TNR: variants seen among roughly 807,000 people sequenced by gnomAD.
TNR encodes the protein tenascin R.
TNR carries 45 observed loss-of-function variants against 150.4 expected under a neutral mutation model. The observed-to-expected ratio is 0.30, with a 90% CI of 0.24 to 0.38. TNR has a LOEUF of 0.38. Among genes scored for constraint, TNR ranks in the 10% least tolerant of loss-of-function variants. The pLI, the probability that TNR is intolerant of heterozygous loss-of-function variation, is 1.00. For missense variants in TNR, 1,544 were observed against 1,759.1 expected (o/e 0.88, Z 2.19); for synonymous variants, 687 against 678.4 (o/e 1.01, Z -0.20).
intron 7 of TNR, among the ~76,000 whole-genome samples, chr1:175,388,614 C>T (rs1423757435): frequency 6.6e-6 from 1 of 152,198 alleles, no homozygotes. Flanking sequence ...CCTTTGTTGG[C>T]CACTTGGTAG....
At chr1:175,734,688 G>T (rs1667725638) in intron 1 of TNR, among the ~76,000 whole-genome samples, 2 of 152,234 alleles carry the variant, frequency 1.3e-5, no homozygotes, top group South Asian at 4.1e-4. Flanking sequence ...GAAGCCGCTT[G>T]GTTTTGGCAG....
At chr1:175,673,902 G>A (rs978851022) in intron 1 of TNR, among the ~76,000 whole-genome samples, 34 of 152,348 alleles carry the variant, frequency 2.2e-4, no homozygotes, top group African/African-American at 6.7e-4. Context: ...AAACCACATC[G>A]GAAGACTTGA....
At chr1:175,535,382 G>A (rs1660233627) in intron 1 of TNR, among the ~76,000 whole-genome samples, 1 of 152,198 alleles carries the variant, frequency 6.6e-6, no homozygotes, top group Admixed American at 6.5e-5. Context: ...CTCTCTGGAT[G>A]GTGTGTTTAA....
At chr1:175,533,546 C>T (rs1660152765) in intron 1 of TNR, among the ~76,000 whole-genome samples, 1 of 152,200 alleles carries the variant, frequency 6.6e-6, no homozygotes, top group South Asian at 2.1e-4. Context: ...TTTGCTGAGG[C>T]TTAATAAAGT....
intron 2 of TNR, among the ~76,000 whole-genome samples, chr1:175,487,243 T>C (rs1571509228): frequency 6.6e-6 from 1 of 152,208 alleles, no homozygotes; most frequent in Non-Finnish European, 1.5e-5. Context: ...CAGTTCACAA[T>C]AGGGTGCAAG....
At chr1:175,439,804 G>A (rs902749100) in intron 2 of TNR, among the ~76,000 whole-genome samples, 6 of 152,212 alleles carry the variant, frequency 3.9e-5, no homozygotes, top group African/African-American at 1.2e-4. Flanking sequence ...TCAGAGAAAT[G>A]CAAATCAAAA....
At chr1:175,657,664 A>G (rs886750891) in intron 1 of TNR, among the ~76,000 whole-genome samples, 2 of 149,450 alleles carry the variant, frequency 1.3e-5, no homozygotes, top group South Asian at 4.3e-4. Context: ...GCAAACTATC[A>G]CAAGGACAAA....
intron 1 of TNR, among the ~76,000 whole-genome samples, chr1:175,640,115 T>A (rs1434133863): frequency 6.6e-6 from 1 of 152,224 alleles, no homozygotes; most frequent in Non-Finnish European, 1.5e-5. Flanking sequence ...ATTTGGAAGG[T>A]GACATGAGTA....
At chr1:175,512,336 T>A (rs971312076) in intron 2 of TNR, among the ~76,000 whole-genome samples, 4 of 152,250 alleles carry the variant, frequency 2.6e-5, no homozygotes, top group South Asian at 4.1e-4. Flanking sequence ...AGAAATATTT[T>A]AAAAATCTTT....
At chr1:175,323,934 A>AGTT in intron 22 of TNR, among the ~76,000 whole-genome samples, 1 of 152,168 alleles carries the variant, frequency 6.6e-6, no homozygotes, top group South Asian at 2.1e-4. Flanking sequence ...AACACTTAGA[A>AGTT]AGTCTAGTTG....
rs1553201218 is a variant in TNR at position 175,320,725 on chromosome 1, T to TG, written c.*2631_*2632insC. 1 of 151,622 alleles carries TG rather than the reference T, an allele frequency of 6.6e-6. No individual in the cohort carries two copies. The highest frequency in any genetic ancestry group is 2.4e-5 in the African/African-American group (1 of 41,144). 9.4% of individuals were successfully genotyped at this position (151,622 alleles called of 1,614,324 possible). A position where few individuals can be genotyped will look rare whatever the true frequency, so the allele number is the denominator to read the frequency against. On this transcript the variant is annotated 3_prime_UTR_variant, in exon 23 of 23. Transcript: ENST00000367674. ...GTGTGTGTGTGTGTGTGTGTGTGTG[T>TG]TTTACTTATGACTCCTGAATCAATC... is the stretch of plus-strand genomic sequence containing the variant.
At chr1:175,381,864 T>C (rs999247771) in intron 8 of TNR, among the ~76,000 whole-genome samples, 1 of 152,264 alleles carries the variant, frequency 6.6e-6, no homozygotes, top group African/African-American at 2.4e-5. Context: ...GATATCTCCA[T>C]GTACGACTTC....
At chr1:175,365,741 C>T in intron 11 of TNR, 134 bp downstream of exon 11, 1 of 1,337,166 alleles carries the variant, frequency 7.5e-7, no homozygotes, top group Non-Finnish European at 1.0e-6. Context: ...TTAGTTTTTA[C>T]TCTATCCTTT....
chr1:175,548,995 T>C (rs1660829356), intron 1 of TNR, among the ~76,000 whole-genome samples: 1 of 152,238 alleles, frequency 6.6e-6, no homozygotes, highest in Non-Finnish European at 1.5e-5. Flanking sequence ...GAGCTGTCTC[T>C]CATTGGTAAT....
intron 1 of TNR, among the ~76,000 whole-genome samples, chr1:175,677,464 A>C (rs1665897298): frequency 6.6e-6 from 1 of 152,156 alleles, no homozygotes; most frequent in African/African-American, 2.4e-5. Context: ...CATCCTCACG[A>C]GGGACTCTCC....
At position 175,398,944 on chromosome 1, in the gene TNR, G is replaced by A. The variant is rs549083366; in HGVS notation, c.977-2137C>T. On this transcript the variant is annotated intron_variant, in intron 4 of 22. Coordinates refer to ENST00000367674, the MANE Select transcript of TNR (RefSeq NM_003285.3). ...GAAACTGAATCCCAGGTTAAGGGATGTGCCAAAAGTCAGAGTGGGTCATAG... is the reference window on the plus strand; with the variant it reads ...GAAACTGAATCCCAGGTTAAGGGATATGCCAAAAGTCAGAGTGGGTCATAG... Among the ~76,000 whole-genome samples the A allele has an allele frequency of 1.1e-4, 16 of 152,338 alleles. No individual in the cohort carries two copies. In the South Asian group the frequency reaches 3.3e-3, roughly 32 times the overall value.
chr1:175,361,002 A>G (rs1385598783), intron 14 of TNR, among the ~76,000 whole-genome samples: 1 of 152,236 alleles, frequency 6.6e-6, no homozygotes, highest in Non-Finnish European at 1.5e-5. Context: ...GGATGGGCAT[A>G]CCATTTGGGT....
chr1:175,703,170 T>G (rs1295381520), intron 1 of TNR, among the ~76,000 whole-genome samples: 1 of 152,224 alleles, frequency 6.6e-6, no homozygotes, highest in African/African-American at 2.4e-5. Context: ...ATTGGCAGAT[T>G]CTTATGCTGG....
At chr1:175,611,561 T>C (rs74683062) in intron 1 of TNR, among the ~76,000 whole-genome samples, 1 of 152,174 alleles carries the variant, frequency 6.6e-6, no homozygotes, top group East Asian at 1.9e-4. Flanking sequence ...CTGCAACTCC[T>C]GGCCTCAAGC....
Sources: allele counts gnomAD v4.1 joint callset (sites outside exome capture counted in the v4.1 genomes callset), GRCh38; gene constraint gnomAD v4.1.1; transcripts MANE v1.5; gene names NCBI Gene and HGNC (gene_info 2026-07-23, HGNC 2026-07-21).